The following FOCAD variants were observed in gnomAD, a reference collection of about 807,000 sequenced individuals.
FOCAD encodes KIAA1797.
A neutral mutation model predicts 225.6 loss-of-function variants in FOCAD; 198 were observed. That is an observed-to-expected ratio of 0.88 (90% CI 0.78 to 0.99). The LOEUF (loss-of-function observed/expected upper bound fraction) is 0.99, where lower values mean the gene tolerates loss of function less well. FOCAD is among the 50% of genes least tolerant of loss of function. FOCAD has a pLI of 0.00. For missense variants in FOCAD, 2,713 were observed against 2,123.6 expected (o/e 1.28, Z -5.46); for synonymous variants, 897 against 755.0 (o/e 1.19, Z -3.08).
chr9:20,934,872 A>G (rs1433818378), intron 28 of FOCAD, among the ~76,000 whole-genome samples: 2 of 151,894 alleles, frequency 1.3e-5, no homozygotes, highest in Non-Finnish European at 2.9e-5. Flanking sequence ...TTTTTACAAT[A>G]GCTGCAAAAA....
At chr9:20,754,844 T>C (rs921385992) in intron 5 of FOCAD, among the ~76,000 whole-genome samples, 1 of 152,168 alleles carries the variant, frequency 6.6e-6, no homozygotes, top group East Asian at 1.9e-4. Context: ...TGAGAAACTC[T>C]CATGCATGGG....
intron 18 of FOCAD, among the ~76,000 whole-genome samples, chr9:20,871,109 TAGGAG>T (rs1040381795): frequency 2.0e-5 from 3 of 151,452 alleles, no homozygotes; most frequent in Admixed American, 2.0e-4. Context: ...GAGGCTGAGG[TAGGAG>T]AATTGCTTGA....
At chr9:20,994,703 C>G (rs771988991) in intron 43 of FOCAD, among the ~76,000 whole-genome samples, 1 of 152,180 alleles carries the variant, frequency 6.6e-6, no homozygotes, top group Non-Finnish European at 1.5e-5. Flanking sequence ...GCTGCTAGGG[C>G]TTACTCTGTT....
At chr9:20,727,647 G>C (rs780581911) in intron 4 of FOCAD, among the ~76,000 whole-genome samples, 10 of 152,148 alleles carry the variant, frequency 6.6e-5, no homozygotes, top group Non-Finnish European at 1.5e-4. Context: ...TTCTCATATA[G>C]TTTTATAATG....
At chr9:20,704,586 G>A (rs1275983923) in intron 1 of FOCAD, among the ~76,000 whole-genome samples, 1 of 152,162 alleles carries the variant, frequency 6.6e-6, no homozygotes, top group Non-Finnish European at 1.5e-5. Context: ...TGAAAATGAA[G>A]GAAGAAAGCT....
intron 15 of FOCAD, among the ~76,000 whole-genome samples, chr9:20,843,252 A>G (rs1444828642): frequency 6.6e-6 from 1 of 152,010 alleles, no homozygotes; most frequent in Non-Finnish European, 1.5e-5. Context: ...CTTTTCTTTC[A>G]GATTGAATAA....
intron 4 of FOCAD, among the ~76,000 whole-genome samples, chr9:20,728,679 G>A (rs1030074842): frequency 1.3e-5 from 2 of 152,162 alleles, no homozygotes; most frequent in Non-Finnish European, 2.9e-5. Flanking sequence ...GGGTTCTTGA[G>A]TAAATTCATC....
chr9:20,958,347 A>G (rs1433131101), intron 35 of FOCAD, among the ~76,000 whole-genome samples: 7 of 151,846 alleles, frequency 4.6e-5, no homozygotes, highest in Admixed American at 4.6e-4. Context: ...ACATCTGTAC[A>G]TTTATTTACT....
At chr9:20,908,648 C>T (rs1201289734) in intron 22 of FOCAD, among the ~76,000 whole-genome samples, 4 of 152,026 alleles carry the variant, frequency 2.6e-5, no homozygotes, top group Admixed American at 6.6e-5. Context: ...TTTTTATCTT[C>T]AGCAGCATCT....
chr9:20,885,330 A>G (rs1409687063), intron 21 of FOCAD, 100 bp downstream of exon 21: 3 of 1,229,832 alleles, frequency 2.4e-6, no homozygotes, highest in Non-Finnish European at 3.1e-6. Flanking sequence ...GATCATAATT[A>G]ATGTAAGTTG....
At chr9:20,787,027 AGTG>A in intron 10 of FOCAD, 1 of 431,364 alleles carries the variant, frequency 2.3e-6, no homozygotes. Context: ...GGACTGTGCC[AGTG>A]GCAGCTGTCA....
At chr9:20,858,657 C>G (rs1199129934) in intron 15 of FOCAD, among the ~76,000 whole-genome samples, 1 of 151,978 alleles carries the variant, frequency 6.6e-6, no homozygotes, top group Non-Finnish European at 1.5e-5. Context: ...TTGCTCTTTT[C>G]TAGTTATTTA....
chr9:20,967,040 A>C (rs1839327801), intron 35 of FOCAD, among the ~76,000 whole-genome samples: 1 of 151,780 alleles, frequency 6.6e-6, no homozygotes, highest in Non-Finnish European at 1.5e-5. Flanking sequence ...TTGAGGATTG[A>C]CTTTTTCATT....
Position 20,948,858 on chromosome 9 carries a change from C to G in FOCAD, c.3806C>G (p.Pro1269Arg), listed in dbSNP as rs768401385. The G allele has an allele frequency of 3.7e-6, 6 of 1,613,280 alleles. No homozygotes were observed. In the East Asian group the frequency reaches 1.3e-4, roughly 36 times the overall value. Residue 1269 changes from proline (P) to arginine (R), a missense_variant, in exon 32 of 44, where the codon CCC (proline) becomes CGC (arginine). Pro to Arg is a moderately radical substitution (Grantham distance 103). Coordinates refer to ENST00000338382, the MANE Select transcript of FOCAD (RefSeq NM_001375567.1). Reference protein sequence around the residue: ...WIRIVLTEGTPTMLCLAALHG... With the variant: ...WIRIVLTEGTRTMLCLAALHG... ...CTGATGCTTTGTTTTCAGGGCACTC[C>G]CACAATGCTTTGTCTGGCAGCTCTT...
chr9:20,760,142 G>T (rs1278858140), intron 6 of FOCAD, among the ~76,000 whole-genome samples: 1 of 152,128 alleles, frequency 6.6e-6, no homozygotes, highest in Admixed American at 6.5e-5. Context: ...TCCCTCAGAA[G>T]GATATATCAA....
chr9:20,897,899 T>G (rs1587542361), intron 21 of FOCAD, among the ~76,000 whole-genome samples: 1 of 151,876 alleles, frequency 6.6e-6, no homozygotes, highest in East Asian at 1.9e-4. Context: ...CTAAAAAAAC[T>G]TTAAACATTT....
intron 15 of FOCAD, among the ~76,000 whole-genome samples, chr9:20,831,178 T>A (rs982146459): frequency 2.0e-5 from 3 of 152,122 alleles, no homozygotes; most frequent in Non-Finnish European, 4.4e-5. Flanking sequence ...CTTGATATCA[T>A]AATCTCGTAA....
chr9:20,751,381 A>G lies in FOCAD; in HGVS notation c.393-6709A>G, dbSNP rs1405887529. On this transcript the variant is annotated intron_variant, in intron 5 of 43. Transcript: ENST00000338382. Reference sequence around the variant, plus strand: ...TGTGTCCATGTGTTCTCATTGTTCAATTCCCACCTATGAGTGAGAATATGC... The same window carrying G: ...TGTGTCCATGTGTTCTCATTGTTCAGTTCCCACCTATGAGTGAGAATATGC... Among the ~76,000 whole-genome samples, 7 of 107,878 alleles carry G rather than the reference A, an allele frequency of 6.5e-5. No homozygotes were observed. In the East Asian group the frequency reaches 1.1e-3, roughly 18 times the overall value. The allele number at this position is 107,878 out of a possible 152,430, so 70.8% of individuals were successfully genotyped here.
At chr9:20,848,598 C>T (rs1827351673) in intron 15 of FOCAD, among the ~76,000 whole-genome samples, 1 of 151,852 alleles carries the variant, frequency 6.6e-6, no homozygotes, top group Admixed American at 6.6e-5. Flanking sequence ...CTGAGATCTT[C>T]ATTTTGGGGT....
Sources: allele counts gnomAD v4.1 joint callset (sites outside exome capture counted in the v4.1 genomes callset), GRCh38; gene constraint gnomAD v4.1.1; transcripts MANE v1.5; gene names NCBI Gene and HGNC (gene_info 2026-07-23, HGNC 2026-07-21).